DOCK8: variants seen among roughly 807,000 people sequenced by gnomAD.
The protein encoded by DOCK8 is dedicator of cytokinesis protein 8.
Under a neutral mutation model 245.6 loss-of-function variants are expected in DOCK8, and 141 were observed. That is an observed-to-expected ratio of 0.57 (90% CI 0.50 to 0.66). The LOEUF (loss-of-function observed/expected upper bound fraction) is 0.66. DOCK8 is among the 30% of genes least tolerant of loss of function. The probability of loss-of-function intolerance (pLI) is 0.00; values close to 1 mark genes in which losing one functional copy is unlikely to be tolerated. For missense variants in DOCK8, 2,965 were observed against 2,603.4 expected, an observed-to-expected ratio of 1.14 and a Z score of -3.02; for synonymous variants, 1,168 against 970.2, an observed-to-expected ratio of 1.20 and a Z score of -3.79.
At chr9:300,715 T>C (rs987626251) in intron 4 of DOCK8, among the ~76,000 whole-genome samples, 1 of 152,078 alleles carries the variant, frequency 6.6e-6, no homozygotes, top group Non-Finnish European at 1.5e-5. Flanking sequence ...CTGTTATAAA[T>C]ACCCCTATGC....
intron 33 of DOCK8, among the ~76,000 whole-genome samples, chr9:424,153 T>C (rs2056391758): frequency 6.6e-6 from 1 of 152,194 alleles, no homozygotes; most frequent in South Asian, 2.1e-4. Context: ...TAATGGTGTC[T>C]TTCACCCTCT....
At chr9:264,111 C>T (rs771884777) in intron 1 of DOCK8, among the ~76,000 whole-genome samples, 1 of 152,200 alleles carries the variant, frequency 6.6e-6, no homozygotes, top group African/African-American at 2.4e-5. Context: ...TGGAAAGACT[C>T]TCTTTTCTTT....
intron 20 of DOCK8, among the ~76,000 whole-genome samples, chr9:379,275 G>A (rs10973132): frequency 0.36 from 54,141 of 151,996 alleles, 11,864 homozygotes; most frequent in African/African-American, 0.62. Flanking sequence ...TTGATATGCA[G>A]ACATTTTTAG....
At chr9:292,421 GACACT>G (rs1303851590) in intron 4 of DOCK8, among the ~76,000 whole-genome samples, 2 of 120,788 alleles carry the variant, frequency 1.7e-5, no homozygotes, top group Non-Finnish European at 3.4e-5. Context: ...AAAGATTATT[GACACT>G]ACATGCATGA....
chr9:362,398 C>G (rs1586802017), intron 14 of DOCK8, among the ~76,000 whole-genome samples: 1 of 152,150 alleles, frequency 6.6e-6, no homozygotes, highest in Admixed American at 6.5e-5. Flanking sequence ...ATTGACTCAC[C>G]ATGACATCAT....
At chr9:398,012 T>A (rs73639206) in intron 25 of DOCK8, among the ~76,000 whole-genome samples, 3,461 of 152,264 alleles carry the variant, frequency 0.023, 108 homozygotes, top group African/African-American at 0.079. Flanking sequence ...TAGGAAGCAA[T>A]GTTTATTATT....
At position 441,971 on chromosome 9, in the gene DOCK8, G is replaced by T; in HGVS notation, c.5452G>T (p.Ala1818Ser). 1 of 1,614,070 alleles carries T rather than the reference G, an allele frequency of 6.2e-7. No homozygotes were observed. The highest frequency in any genetic ancestry group is 8.5e-7 in the Non-Finnish European group (1 of 1,180,010). Reference protein sequence around the residue: ...DEQEFVYKEPAITKLPEISHR... With the variant: ...DEQEFVYKEPSITKLPEISHR... ...ACAGGAGTTTGTCTACAAAGAGCCT[G>T]CAATTACCAAGCTTCCTGAGATCTC... Residue 1818 changes from alanine (A) to serine (S), a missense_variant, in exon 42 of 48, where the codon GCA (alanine) becomes TCA (serine). This residue lies in a region of DOCK8 where 2,825 missense variants were observed against 2,453.5 expected (regional missense o/e 1.15). Coordinates refer to ENST00000432829, the MANE Select transcript of DOCK8 (RefSeq NM_203447.4).
chr9:430,406 G>T (rs758143267), intron 36 of DOCK8, among the ~76,000 whole-genome samples: 25 of 151,730 alleles, frequency 1.6e-4, no homozygotes, highest in Non-Finnish European at 3.5e-4. Context: ...AAATAACCAG[G>T]TGCAGTGGCT....
chr9:270,478 T>C (rs931220352), intron 1 of DOCK8, among the ~76,000 whole-genome samples: 22 of 152,178 alleles, frequency 1.4e-4, no homozygotes, highest in African/African-American at 3.4e-4. Flanking sequence ...TGAGGGAGAA[T>C]AGATGCCAAA....
chr9:399,112 C>G (rs1451693917), intron 25 of DOCK8, 34 bp from the exon 26 acceptor site: 3 of 1,595,536 alleles, frequency 1.9e-6, no homozygotes, highest in Non-Finnish European at 2.6e-6. Context: ...CAGAGTGTCC[C>G]ACAAAATGAT....
At position 441,369 on chromosome 9, in the gene DOCK8, A is replaced by G; in HGVS notation, c.5307A>G (p.Thr1769=). 6.2e-7 allele frequency: 1 copy of G among 1,614,174 alleles called. No homozygotes were observed. The change falls in exon 41 of 48, where the codon ACA becomes ACG. Residue 1769 remains threonine (T), a synonymous_variant. Coordinates refer to ENST00000432829, the MANE Select transcript of DOCK8 (RefSeq NM_203447.4). ...CGCATCGAGAATTCCGGAAGCTGAC[A>G]CTCACTCACAGCAAGCTGCAGAGAG... ...LEAHREFRKL[T]LTHSKLQRAF... is the part of the protein sequence containing the mutation.
At chr9:399,124 TG>T in intron 25 of DOCK8, 21 bp from the exon 26 acceptor site, 1 of 1,607,230 alleles carries the variant, frequency 6.2e-7, no homozygotes, top group Non-Finnish European at 8.5e-7. Context: ...CAAAATGATT[TG>T]GGTGTTTGTT....
chr9:458,335 C>T (rs900807544), intron 46 of DOCK8: 5 of 152,144 alleles, frequency 3.3e-5, no homozygotes, highest in African/African-American at 1.2e-4. Flanking sequence ...TGCCCATTTC[C>T]CAGTGCCTTC....
chr9:238,887 C>T (rs1043579702), intron 1 of DOCK8, among the ~76,000 whole-genome samples: 1 of 152,180 alleles, frequency 6.6e-6, no homozygotes, highest in Non-Finnish European at 1.5e-5. Context: ...TCCCAGCCGT[C>T]CAGGGCCAAG....
intron 30 of DOCK8, among the ~76,000 whole-genome samples, chr9:419,346 C>T (rs541059711): frequency 3.3e-5 from 5 of 152,182 alleles, no homozygotes; most frequent in Non-Finnish European, 4.4e-5. Flanking sequence ...TTGACATCAC[C>T]GATCTTACTG....
In DOCK8 at chr9:355,453, T is replaced by C. The variant is rs372565025; in HGVS notation, c.1680-12565T>C. The stretch of plus-strand genomic sequence containing the variant: ...TCCTGACCCTGTGATCTACCCACCT[T>C]GGCCTCCCAAAGTGCTGGGATTACA... On this transcript the variant is annotated intron_variant, in intron 14 of 47. Coordinates refer to ENST00000432829, the MANE Select transcript of DOCK8 (RefSeq NM_203447.4). Among the ~76,000 whole-genome samples the C allele has an allele frequency of 7.1e-3, 1,078 of 152,112 alleles. 10 individuals carry two copies. Among genetic ancestry groups the C allele is most frequent in the South Asian group, 0.022 (104 of 4,806 alleles).
chr9:363,972 A>G (rs1186535733), intron 14 of DOCK8, among the ~76,000 whole-genome samples: 4 of 152,220 alleles, frequency 2.6e-5, no homozygotes, highest in Non-Finnish European at 5.9e-5. Context: ...GCACCTTCAC[A>G]AACTCTGGCT....
chr9:370,404 G>C, intron 16 of DOCK8, 104 bp downstream of exon 16: 3 of 971,104 alleles, frequency 3.1e-6, no homozygotes, highest in Non-Finnish European at 4.9e-6. Flanking sequence ...TTATAATTCA[G>C]GGACTGAGGG....
intron 1 of DOCK8, among the ~76,000 whole-genome samples, chr9:260,277 T>C (rs1563848689): frequency 6.6e-6 from 1 of 152,144 alleles, no homozygotes; most frequent in Non-Finnish European, 1.5e-5. Context: ...CTGTCTTGAG[T>C]CTTACAGTTA....
Sources: gnomAD v4.1 joint callset for allele counts (sites outside exome capture counted in the v4.1 genomes callset) on GRCh38, gnomAD v4.1.1 for gene constraint, gnomAD v4.1.1 regional missense constraint, MANE v1.5 for transcripts, NCBI Gene and HGNC (gene_info 2026-07-23, HGNC 2026-07-21) for gene names.